CTDSPL: variants seen among roughly 807,000 people sequenced by gnomAD.
The protein encoded by CTDSPL is CTD small phosphatase-like protein.
A neutral mutation model predicts 30.5 loss-of-function variants in CTDSPL; 8 were observed. The ratio of observed to expected loss-of-function variants is 0.26; its 90% CI spans 0.15 to 0.47. The LOEUF (loss-of-function observed/expected upper bound fraction) is 0.47, where lower values mean the gene tolerates loss of function less well. CTDSPL is among the 20% of genes least tolerant of loss of function. The probability of loss-of-function intolerance (pLI) is 0.99; values close to 1 mark genes in which losing one functional copy is unlikely to be tolerated. For synonymous variants in CTDSPL, 110 were observed against 137.9 expected (o/e 0.80, Z 1.42); for missense variants, 248 against 366.1 (o/e 0.68, Z 2.63).
intron 3 of CTDSPL, among the ~76,000 whole-genome samples, chr3:37,960,496 A>AAT (rs1559645070): frequency 1.5e-5 from 1 of 65,364 alleles, no homozygotes; most frequent in African/African-American, 7.1e-5. Flanking sequence ...AAAAAAAAAA[A>AAT]AAAAAAAAAA....
chr3:37,946,269 G>A (rs944252706), intron 1 of CTDSPL, among the ~76,000 whole-genome samples: 2 of 152,126 alleles, frequency 1.3e-5, no homozygotes, highest in Non-Finnish European at 2.9e-5. Context: ...CGTGAGCCTT[G>A]GATAAACAGA....
intron 1 of CTDSPL, among the ~76,000 whole-genome samples, chr3:37,896,814 C>T (rs1447160192): frequency 1.3e-5 from 2 of 152,146 alleles, no homozygotes; most frequent in Non-Finnish European, 2.9e-5. Context: ...GTTGGGATTA[C>T]AGGCGTGAGT....
rs575202217 is a variant in CTDSPL at position 37,908,865 on chromosome 3, G to A, written c.80-38192G>A. On this transcript the variant is annotated intron_variant, in intron 1 of 7. Coordinates refer to ENST00000273179, the MANE Select transcript of CTDSPL (RefSeq NM_001008392.2). ...CATTTCTTTGATTAATAGTGAGGTT[G>A]AAAATTGTCCAAGTTTGTTAGAGAT... Among the ~76,000 whole-genome samples the A allele has an allele frequency of 1.4e-3, 206 of 152,270 alleles. 1 individual carries two copies. Among genetic ancestry groups the A allele is most frequent in the African/African-American group, 4.6e-3 (192 of 41,546 alleles).
At chr3:37,880,157 T>C (rs1306884603) in intron 1 of CTDSPL, among the ~76,000 whole-genome samples, 1 of 149,676 alleles carries the variant, frequency 6.7e-6, no homozygotes, top group Admixed American at 6.7e-5. Context: ...ATATATCTTA[T>C]TTCATCTTCC....
In CTDSPL at chr3:37,978,943, C is replaced by T. The variant is rs529316259; in HGVS notation, c.706-1799C>T. On this transcript the variant is annotated intron_variant, in intron 7 of 7. Transcript: ENST00000273179. Reference sequence around the variant, plus strand: ...GTTCATACTGGTTTTTCCAATACAACGTTACGTTTTTATGTAACTTCTTTG... The same window carrying T: ...GTTCATACTGGTTTTTCCAATACAATGTTACGTTTTTATGTAACTTCTTTG... 2.6e-5 allele frequency among the ~76,000 whole-genome samples: 4 copies of T among 152,264 alleles called. No homozygotes were observed. The South Asian group carries it at 6.2e-4, about 24-fold the overall frequency.
At chr3:37,898,171 G>A (rs1698409141) in intron 1 of CTDSPL, among the ~76,000 whole-genome samples, 1 of 152,140 alleles carries the variant, frequency 6.6e-6, no homozygotes, top group South Asian at 2.1e-4. Flanking sequence ...TTACAAAGAA[G>A]GTCTTCTGTC....
At chr3:37,901,469 A>G (rs960864369) in intron 1 of CTDSPL, among the ~76,000 whole-genome samples, 1 of 152,218 alleles carries the variant, frequency 6.6e-6, no homozygotes, top group Non-Finnish European at 1.5e-5. Context: ...AGAAACAGAG[A>G]CACCTCTTTG....
At chr3:37,950,536 G>A (rs956673336) in intron 2 of CTDSPL, among the ~76,000 whole-genome samples, 3 of 152,212 alleles carry the variant, frequency 2.0e-5, no homozygotes, top group Non-Finnish European at 4.4e-5. Context: ...TTCTGGAAAA[G>A]CAAGTGGAAG....
intron 1 of CTDSPL, among the ~76,000 whole-genome samples, chr3:37,892,736 T>A (rs1261333625): frequency 6.6e-6 from 1 of 152,160 alleles, no homozygotes; most frequent in African/African-American, 2.4e-5. Context: ...AATTGCACTT[T>A]CCCTACCTGT....
At chr3:37,889,073 A>AT (rs1311349260) in intron 1 of CTDSPL, among the ~76,000 whole-genome samples, 1 of 152,154 alleles carries the variant, frequency 6.6e-6, no homozygotes, top group African/African-American at 2.4e-5. Context: ...TGGAATGAAG[A>AT]TTTTCTTTTT....
chr3:37,972,223 G>A (rs1475694090), intron 6 of CTDSPL, among the ~76,000 whole-genome samples: 1 of 152,154 alleles, frequency 6.6e-6, no homozygotes, highest in Non-Finnish European at 1.5e-5. Context: ...TAGGCCGGGC[G>A]CGGTTGCTCA....
At chr3:37,940,672 C>T (rs1429726764) in intron 1 of CTDSPL, among the ~76,000 whole-genome samples, 3 of 150,436 alleles carry the variant, frequency 2.0e-5, no homozygotes, top group African/African-American at 7.3e-5. Context: ...GGGTGGGTCA[C>T]GTGCCCATCC....
chr3:37,862,731 A>G lies in CTDSPL; in HGVS notation c.79+453A>G, dbSNP rs1336508013. Among the ~76,000 whole-genome samples, 4 of 152,078 alleles carry G rather than the reference A, an allele frequency of 2.6e-5. No homozygotes were observed. The highest frequency in any genetic ancestry group is 1.5e-5 in the Non-Finnish European group (1 of 68,016). ...TGTTGTGAGTGCTTTTTTTCCTGAC[A>G]GGCTGTGAGTTTGTGTTGTGTGTAT... On this transcript the variant is annotated intron_variant, in intron 1 of 7. Coordinates refer to ENST00000273179, the MANE Select transcript of CTDSPL (RefSeq NM_001008392.2). This position sits in a 1 kb window ranked among gnomAD's most constrained non-coding sequence, Gnocchi z 4.3.
intron 1 of CTDSPL, among the ~76,000 whole-genome samples, chr3:37,921,370 G>A (rs1201099990): frequency 6.6e-6 from 1 of 152,210 alleles, no homozygotes; most frequent in African/African-American, 2.4e-5. Context: ...AGGACAAGGA[G>A]CCAAAGGATG....
chr3:37,871,503 A>C (rs1486602048), intron 1 of CTDSPL, among the ~76,000 whole-genome samples: 2 of 152,190 alleles, frequency 1.3e-5, no homozygotes, highest in Non-Finnish European at 2.9e-5. Flanking sequence ...GTATGGTAAG[A>C]GTATTTTGTT....
At chr3:37,967,223 A>G (rs1414498560) in intron 4 of CTDSPL, among the ~76,000 whole-genome samples, 1 of 152,160 alleles carries the variant, frequency 6.6e-6, no homozygotes, top group Admixed American at 6.5e-5. Context: ...GGCCATGGGC[A>G]TGCATCAGAC....
Position 37,950,026 on chromosome 3 carries a change from G to A in CTDSPL, c.234+2815G>A, listed in dbSNP as rs187913316. On this transcript the variant is annotated intron_variant, in intron 2 of 7. Transcript: ENST00000273179. ...GGTCAACTAGCCAGAAGGAGCTGGC[G>A]GATCGCCTTGGAAAGAGCTCGCACT... Among the ~76,000 whole-genome samples the A allele has an allele frequency of 2.7e-4, 41 of 152,344 alleles. No homozygotes were observed. The South Asian group carries it at 7.7e-3, about 28-fold the overall frequency.
At chr3:37,891,111 G>A (rs890821586) in intron 1 of CTDSPL, among the ~76,000 whole-genome samples, 10 of 152,130 alleles carry the variant, frequency 6.6e-5, no homozygotes, top group African/African-American at 2.2e-4. Flanking sequence ...CTGGGGTTAG[G>A]ATATGGTTCT....
At chr3:37,885,782 G>A (rs1418620580) in intron 1 of CTDSPL, among the ~76,000 whole-genome samples, 1 of 152,186 alleles carries the variant, frequency 6.6e-6, no homozygotes, top group Non-Finnish European at 1.5e-5. Context: ...AGACAGACTA[G>A]TGCTAGGAAG....
Sources: gnomAD v4.1 joint callset for allele counts (sites outside exome capture counted in the v4.1 genomes callset) on GRCh38, gnomAD v4.1.1 for gene constraint, Gnocchi (gnomAD v3.1) non-coding constraint, MANE v1.5 for transcripts, NCBI Gene and HGNC (gene_info 2026-07-23, HGNC 2026-07-21) for gene names.